The following IL1RL2 variants were observed in gnomAD, a reference collection of about 807,000 sequenced individuals.
IL1RL2 encodes interleukin 1 receptor like 2, also known as interleukin-1 receptor-like 2.
In IL1RL2, 68 loss-of-function variants were observed where a neutral mutation model predicts 66.8. That is an observed-to-expected ratio of 1.02 (90% CI 0.84 to 1.25). The LOEUF (loss-of-function observed/expected upper bound fraction) is 1.25. Ranked by LOEUF, IL1RL2 falls within the 50% of genes most tolerant of loss-of-function variation. IL1RL2 has a pLI of 0.00. For missense variants in IL1RL2, 729 were observed against 709.3 expected (o/e 1.03, Z -0.32); for synonymous variants, 305 against 264.6 (o/e 1.15, Z -1.48).
At chr2:102,199,981 A>T (rs1224257294) in intron 4 of IL1RL2, among the ~76,000 whole-genome samples, 1 of 152,082 alleles carries the variant, frequency 6.6e-6, no homozygotes, top group African/African-American at 2.4e-5. Context: ...CTTCATGGTG[A>T]AACCCCACCT....
intron 3 of IL1RL2, among the ~76,000 whole-genome samples, chr2:102,190,507 C>T (rs1687137723): frequency 6.6e-6 from 1 of 152,186 alleles, no homozygotes; most frequent in African/African-American, 2.4e-5. Context: ...TATTTGCCAG[C>T]CCCTTTCTGT....
At chr2:102,223,841 G>A (rs1690358315) in intron 8 of IL1RL2, among the ~76,000 whole-genome samples, 1 of 152,156 alleles carries the variant, frequency 6.6e-6, no homozygotes, top group Non-Finnish European at 1.5e-5. Flanking sequence ...ATAACAAAGG[G>A]CAAAGAAGAG....
At chr2:102,218,629 T>A (rs1246833917) in intron 6 of IL1RL2, among the ~76,000 whole-genome samples, 1 of 152,226 alleles carries the variant, frequency 6.6e-6, no homozygotes, top group Non-Finnish European at 1.5e-5. Context: ...ATTCAAAGAC[T>A]GAAGGATAAA....
chr2:102,199,610 T>G (rs1284341908), intron 4 of IL1RL2, among the ~76,000 whole-genome samples: 1 of 152,222 alleles, frequency 6.6e-6, no homozygotes, highest in Non-Finnish European at 1.5e-5. Flanking sequence ...GTTTAAACTT[T>G]GAAATAATGT....
At chr2:102,198,986 G>A (rs1235247563) in intron 4 of IL1RL2, among the ~76,000 whole-genome samples, 2 of 151,982 alleles carry the variant, frequency 1.3e-5, no homozygotes, top group Non-Finnish European at 2.9e-5. Flanking sequence ...ACCCTAAATA[G>A]GATCATTTTC....
chr2:102,198,753 G>A (rs1687992422), intron 4 of IL1RL2, among the ~76,000 whole-genome samples: 1 of 152,000 alleles, frequency 6.6e-6, no homozygotes, highest in Non-Finnish European at 1.5e-5. Context: ...GGTTTCAGCT[G>A]CGGTCATCTT....
chr2:102,192,121 G>A lies in IL1RL2; in HGVS notation c.489+1G>A. 1 of 1,548,812 alleles carries A rather than the reference G, an allele frequency of 6.5e-7. No homozygotes were observed. Among genetic ancestry groups the A allele is most frequent in the Non-Finnish European group, 8.7e-7 (1 of 1,151,992 alleles). On this transcript the variant is annotated splice_donor_variant, in intron 4 of 11. Coordinates refer to ENST00000264257, the MANE Select transcript of IL1RL2 (RefSeq NM_003854.4). LOFTEE classifies it high-confidence loss of function. ...TTTGGGTCCAATAAAGTGGTATAAG[G>A]TAAAAAAGAATTTTCTTATTGATAT...
chr2:102,234,966 C>T lies in IL1RL2; in HGVS notation c.1367C>T (p.Ser456Leu), dbSNP rs148982266. ...RRLIVIVVPE[S>L]LGFGLLKNLS... is the part of the protein sequence containing the mutation. ...CTGATTGTCATTGTGGTCCCCGAAT[C>T]GCTGGGCTTTGGCCTGTTGAAGAAC... The change falls in exon 11 of 12, where the codon TCG (serine) becomes TTG (leucine). Residue 456 changes from serine to leucine, a missense_variant. Coordinates refer to ENST00000264257, the MANE Select transcript of IL1RL2 (RefSeq NM_003854.4). 1.3e-5 allele frequency: 21 copies of T among 1,614,064 alleles called. No individual in the cohort carries two copies. The highest frequency in any genetic ancestry group is 8.0e-5 in the African/African-American group (6 of 74,922).
At chr2:102,239,092 G>A (rs895107346) in intron 11 of IL1RL2, 100 bp from the exon 12 acceptor site, 14 of 1,004,686 alleles carry the variant, frequency 1.4e-5, no homozygotes, top group East Asian at 4.9e-5. Flanking sequence ...ATGAACTGAC[G>A]GCAAGGTGGA....
chr2:102,200,792 A>G (rs1688188248), intron 4 of IL1RL2, among the ~76,000 whole-genome samples: 1 of 152,008 alleles, frequency 6.6e-6, no homozygotes, highest in Non-Finnish European at 1.5e-5. Context: ...GGTTGCTGGG[A>G]GAGAAAGCAT....
chr2:102,212,811 T>C (rs1036543138), intron 6 of IL1RL2, among the ~76,000 whole-genome samples: 14 of 151,676 alleles, frequency 9.2e-5, no homozygotes, highest in African/African-American at 3.2e-4. Flanking sequence ...TACTAAAAAA[T>C]ACAAAAAATT....
intron 1 of IL1RL2, 34 bp downstream of exon 1, chr2:102,187,120 G>A (rs573170237): frequency 1.6e-6 from 2 of 1,287,808 alleles, no homozygotes; most frequent in Admixed American, 2.3e-5. Flanking sequence ...GCTGAGCCAG[G>A]CATGGGTGGG....
chr2:102,215,401 GTTAC>G (rs1321514472), intron 6 of IL1RL2, among the ~76,000 whole-genome samples: 1 of 152,042 alleles, frequency 6.6e-6, no homozygotes, highest in Non-Finnish European at 1.5e-5. Flanking sequence ...CAAAATCCTG[GTTAC>G]TTAGAGTATG....
intron 10 of IL1RL2, among the ~76,000 whole-genome samples, chr2:102,234,365 A>C (rs1283378733): frequency 1.3e-5 from 2 of 152,202 alleles, no homozygotes; most frequent in African/African-American, 4.8e-5. Flanking sequence ...CATGCAAAAC[A>C]TGATTCATGA....
At chr2:102,220,516 T>C (rs1268592116) in intron 8 of IL1RL2, among the ~76,000 whole-genome samples, 2 of 152,128 alleles carry the variant, frequency 1.3e-5, no homozygotes, top group Admixed American at 6.5e-5. Context: ...TGATTATGCA[T>C]TGGAAGTAAT....
At chr2:102,204,758 A>G (rs1162621254) in intron 5 of IL1RL2, among the ~76,000 whole-genome samples, 1 of 151,804 alleles carries the variant, frequency 6.6e-6, no homozygotes, top group East Asian at 1.9e-4. Flanking sequence ...GTGTCTTTAT[A>G]GGTGAAGTGT....
chr2:102,215,073 A>G (rs2104814362), intron 6 of IL1RL2, among the ~76,000 whole-genome samples: 1 of 145,878 alleles, frequency 6.9e-6, no homozygotes, highest in African/African-American at 2.7e-5. Context: ...GGAAAAGGTA[A>G]GCAGAAGGCC....
At chr2:102,232,311 C>G (rs189413769) in intron 9 of IL1RL2, among the ~76,000 whole-genome samples, 1 of 152,014 alleles carries the variant, frequency 6.6e-6, no homozygotes, top group Non-Finnish European at 1.5e-5. Flanking sequence ...CAGGGTTTCA[C>G]CATGTTGGCC....
At chr2:102,231,625 G>C (rs1057176985) in intron 9 of IL1RL2, among the ~76,000 whole-genome samples, 10 of 151,544 alleles carry the variant, frequency 6.6e-5, no homozygotes, top group African/African-American at 2.4e-4. Context: ...TTTTCTGTTC[G>C]TTTGACTCTC....
Sources: gnomAD v4.1 joint callset for allele counts (sites outside exome capture counted in the v4.1 genomes callset) on GRCh38, gnomAD v4.1.1 for gene constraint, MANE v1.5 for transcripts, NCBI Gene and HGNC (gene_info 2026-07-23, HGNC 2026-07-21) for gene names.